GALNT13: variants seen among roughly 807,000 people sequenced by gnomAD.
GALNT13 encodes the protein polypeptide N-acetylgalactosaminyltransferase 13, also known as UDP-GalNAc:polypeptide N-acetylgalactosaminyltransferase 13.
In GALNT13, 28 loss-of-function variants were observed where a neutral mutation model predicts 64.2. The observed-to-expected ratio is 0.44, with a 90% CI of 0.32 to 0.60. GALNT13 has a LOEUF of 0.60. Among genes scored for constraint, GALNT13 ranks in the 20% least tolerant of loss-of-function variants. GALNT13 has a pLI of 0.05. For synonymous variants in GALNT13, 214 were observed against 224.6 expected (o/e 0.95, Z 0.42); for missense variants, 577 against 669.8 (o/e 0.86, Z 1.53).
chr2:154,428,278 A>G (rs1311770193), intron 11 of GALNT13, among the ~76,000 whole-genome samples: 1 of 152,188 alleles, frequency 6.6e-6, no homozygotes, highest in Non-Finnish European at 1.5e-5. Context: ...GCTCGGACAT[A>G]TTGGGAATCC....
At chr2:153,775,533 C>A in the GALNT13 span, among the ~76,000 whole-genome samples, 1 of 152,054 alleles carries the variant, frequency 6.6e-6, no homozygotes, top group Non-Finnish European at 1.5e-5. Context: ...GCAAACTATT[C>A]TCTTACTAAA....
chr2:153,930,005 C>A (rs1443820793), intron 2 of GALNT13, among the ~76,000 whole-genome samples: 1 of 151,980 alleles, frequency 6.6e-6, no homozygotes. Flanking sequence ...ATTTTGCCAG[C>A]CTCTGTTATT....
At chr2:153,806,056 T>G in the GALNT13 span, among the ~76,000 whole-genome samples, 1 of 152,044 alleles carries the variant, frequency 6.6e-6, no homozygotes, top group African/African-American at 2.4e-5. Flanking sequence ...TCAGAAACAA[T>G]GTATATCCCT....
rs546608001 is a variant in GALNT13 at position 154,340,759 on chromosome 2, C to T, written c.1156+39170C>T. Among the ~76,000 whole-genome samples the T allele has an allele frequency of 6.8e-4, 103 of 152,108 alleles. 1 individual carries two copies. Among genetic ancestry groups the T allele is most frequent in the South Asian group, 5.4e-3 (26 of 4,820 alleles). On this transcript the variant is annotated intron_variant, in intron 9 of 12. Coordinates refer to ENST00000392825, the MANE Select transcript of GALNT13 (RefSeq NM_052917.4). ...ACCTAAAAAGATTAGTGTAAAAATA[C>T]ATAGTATCCTCCCTTGGTAATGATC...
chr2:153,439,246 A>G, the GALNT13 span, among the ~76,000 whole-genome samples: 30 of 152,158 alleles, frequency 2.0e-4, no homozygotes, highest in African/African-American at 6.0e-4. Flanking sequence ...GGTGGCTCCC[A>G]GTTAGGCTCC....
chr2:153,251,832 G>T, the GALNT13 span, among the ~76,000 whole-genome samples: 1 of 151,688 alleles, frequency 6.6e-6, no homozygotes, highest in African/African-American at 2.4e-5. Flanking sequence ...AGTATTCCAT[G>T]GTGTATATGT....
chr2:153,406,393 T>C, the GALNT13 span, among the ~76,000 whole-genome samples: 1 of 152,108 alleles, frequency 6.6e-6, no homozygotes, highest in Non-Finnish European at 1.5e-5. Flanking sequence ...TTACAATTTG[T>C]TTAAATTCTC....
chr2:153,403,646 G>A, the GALNT13 span, among the ~76,000 whole-genome samples: 1 of 152,318 alleles, frequency 6.6e-6, no homozygotes, highest in African/African-American at 2.4e-5. Flanking sequence ...CGTTTTTCAA[G>A]CCGGTCGGAA....
chr2:153,987,334 T>A (rs10175563), intron 3 of GALNT13, among the ~76,000 whole-genome samples: 9,341 of 151,900 alleles, frequency 0.061, 601 homozygotes, highest in African/African-American at 0.16. Context: ...AGCCTCATAA[T>A]TCATCTAGGT....
intron 8 of GALNT13, chr2:154,287,278 G>A: frequency 2.7e-6 from 2 of 752,928 alleles, no homozygotes; most frequent in Non-Finnish European, 4.7e-6. Context: ...CAGCAGAGCT[G>A]ATCCCCAACT....
At position 154,397,390 on chromosome 2, in the gene GALNT13, G is replaced by T. The variant is rs565495237; in HGVS notation, c.1296+1260G>T. On this transcript the variant is annotated intron_variant, in intron 10 of 12. Coordinates refer to ENST00000392825, the MANE Select transcript of GALNT13 (RefSeq NM_052917.4). ...GGAGGTGGAGCTTGCAATGAGCCGA[G>T]ATCGCGCCATTGCACTCCAGCCTGG... is the stretch of plus-strand genomic sequence containing the variant. Among the ~76,000 whole-genome samples, 16 of 152,300 alleles carry T rather than the reference G, an allele frequency of 1.1e-4. 1 individual carries two copies. The highest frequency in any genetic ancestry group is 6.2e-4 in the South Asian group (3 of 4,830).
the GALNT13 span, among the ~76,000 whole-genome samples, chr2:153,460,533 A>C: frequency 1.3e-5 from 2 of 152,128 alleles, no homozygotes; most frequent in Non-Finnish European, 2.9e-5. Flanking sequence ...CTGTGAAAGA[A>C]TTTCTCTAAA....
At chr2:153,315,141 T>C in the GALNT13 span, among the ~76,000 whole-genome samples, 3 of 152,228 alleles carry the variant, frequency 2.0e-5, no homozygotes, top group Non-Finnish European at 4.4e-5. Flanking sequence ...CATTTTCTAC[T>C]TATAAATCAT....
intron 3 of GALNT13, among the ~76,000 whole-genome samples, chr2:154,109,377 T>G (rs1662707055): frequency 6.6e-6 from 1 of 152,160 alleles, no homozygotes; most frequent in African/African-American, 2.4e-5. Flanking sequence ...TCTAACAATA[T>G]TTTTGGTGGT....
intron 3 of GALNT13, among the ~76,000 whole-genome samples, chr2:153,996,579 C>T (rs2105206383): frequency 6.6e-6 from 1 of 152,046 alleles, no homozygotes; most frequent in South Asian, 2.1e-4. Flanking sequence ...GATGTTAACC[C>T]CTTGTCAGAT....
the GALNT13 span, among the ~76,000 whole-genome samples, chr2:153,403,063 C>T: frequency 1.3e-5 from 2 of 151,288 alleles, no homozygotes; most frequent in Non-Finnish European, 3.0e-5. Flanking sequence ...GTGGTTTTAT[C>T]TACTTTTGGT....
intron 8 of GALNT13, among the ~76,000 whole-genome samples, chr2:154,269,131 G>A (rs13423444): frequency 0.13 from 20,507 of 152,010 alleles, 1,396 homozygotes; most frequent in South Asian, 0.18. Context: ...AAAATGAAAA[G>A]CAGGGGTTCC....
intron 9 of GALNT13, among the ~76,000 whole-genome samples, chr2:154,386,959 T>A (rs925541855): frequency 6.6e-6 from 1 of 152,146 alleles, no homozygotes; most frequent in Non-Finnish European, 1.5e-5. Flanking sequence ...ATAATCCTCT[T>A]CCTGTGTGAC....
the GALNT13 span, among the ~76,000 whole-genome samples, chr2:153,776,819 G>C: frequency 6.6e-6 from 1 of 152,062 alleles, no homozygotes; most frequent in Non-Finnish European, 1.5e-5. Flanking sequence ...ACATTTCCTT[G>C]ACTCCTTATT....
Sources: gnomAD v4.1 joint callset for allele counts (sites outside exome capture counted in the v4.1 genomes callset) on GRCh38, gnomAD v4.1.1 for gene constraint, MANE v1.5 for transcripts, NCBI Gene and HGNC (gene_info 2026-07-23, HGNC 2026-07-21) for gene names.